Variants in SPTBN4 observed in about 807,000 individuals in gnomAD.
SPTBN4 encodes the protein spectrin beta, non-erythrocytic 4, also known as spectrin beta chain, non-erythrocytic 4.
Under a neutral mutation model 277.8 loss-of-function variants are expected in SPTBN4, and 96 were observed. That is an observed-to-expected ratio of 0.35 (90% confidence interval 0.29 to 0.41). The LOEUF (loss-of-function observed/expected upper bound fraction) is 0.41. SPTBN4 is among the 10% of genes least tolerant of loss of function. SPTBN4 has a pLI of 1.00. For missense variants in SPTBN4, 3,006 were observed against 3,595.7 expected (o/e 0.84, Z 4.19); for synonymous variants, 1,481 against 1,580.3 (o/e 0.94, Z 1.49).
chr19:40,530,117 A>T (rs766572141), intron 18 of SPTBN4, among the ~76,000 whole-genome samples: 8 of 151,928 alleles, frequency 5.3e-5, no homozygotes, highest in South Asian at 2.1e-4. Context: ...GCCCTCCCAT[A>T]TCCCCTGTCC....
intron 7 of SPTBN4, among the ~76,000 whole-genome samples, chr19:40,498,826 C>A (rs144304784): frequency 6.6e-6 from 1 of 151,962 alleles, no homozygotes; most frequent in Admixed American, 6.6e-5. Flanking sequence ...CTCAGCCTCC[C>A]AAGTAGCTGG....
At chr19:40,570,843 C>T in intron 33 of SPTBN4, 115 bp downstream of exon 33, 1 of 1,119,734 alleles carries the variant, frequency 8.9e-7, no homozygotes, top group East Asian at 3.3e-5. Context: ...CAGCAGGTGG[C>T]GGTAGTAGGT....
At chr19:40,504,178 G>A (rs2080297825) in intron 12 of SPTBN4, 46 bp downstream of exon 12, 14 of 1,536,748 alleles carry the variant, frequency 9.1e-6, no homozygotes, top group Non-Finnish European at 1.2e-5. Context: ...CAGGAGGGAG[G>A]GGAGGATGCA....
chr19:40,532,085 T>TG (rs1486788131), intron 18 of SPTBN4, among the ~76,000 whole-genome samples: 1 of 150,076 alleles, frequency 6.7e-6, no homozygotes, highest in Non-Finnish European at 1.5e-5. Flanking sequence ...GGAGGTTGTT[T>TG]GGGGGGTTTA....
intron 1 of SPTBN4, among the ~76,000 whole-genome samples, chr19:40,467,937 A>G (rs2079844852): frequency 1.3e-5 from 2 of 152,268 alleles, no homozygotes; most frequent in South Asian, 4.1e-4. Context: ...AGGCAAATCG[A>G]TTTGCTGAGA....
Position 40,568,040 on chromosome 19 carries a change from T to C in SPTBN4, c.6714T>C (p.Asp2238=). 1 of 1,551,186 alleles carries C rather than the reference T, an allele frequency of 6.4e-7. No individual in the cohort carries two copies. Among genetic ancestry groups the C allele is most frequent in the South Asian group, 1.2e-5 (1 of 84,128 alleles). ...GACCGGAGCGCCAGGAGTCAGCTGA[T>C]CGCGCGGAGGAGCTGCCCAGGAGGC... ...RPRPERQESA[D]RAEELPRRRR... The change falls in exon 31 of 36, where the codon GAT becomes GAC. Residue 2238 remains aspartate, a synonymous_variant. Transcript: ENST00000598249.
intron 2 of SPTBN4, among the ~76,000 whole-genome samples, chr19:40,476,276 C>T (rs1214714059): frequency 1.4e-5 from 2 of 146,258 alleles, no homozygotes; most frequent in African/African-American, 2.5e-5. Context: ...ACCTCAGAGG[C>T]GGAGGTTGCA....
At chr19:40,542,239 TGA>T (rs1302215482) in intron 20 of SPTBN4, among the ~76,000 whole-genome samples, 57 of 152,338 alleles carry the variant, frequency 3.7e-4, no homozygotes, top group Admixed American at 1.1e-3. Flanking sequence ...TCTTTTTATT[TGA>T]CTTCTCTGTC....
At chr19:40,524,344 T>TC (rs2080564353) in intron 17 of SPTBN4, among the ~76,000 whole-genome samples, 1 of 146,538 alleles carries the variant, frequency 6.8e-6, no homozygotes, top group Non-Finnish European at 1.5e-5. Context: ...TTCTCTAAAA[T>TC]TAAAAAAAAA....
chr19:40,540,964 C>G (rs2080794983), intron 20 of SPTBN4, among the ~76,000 whole-genome samples: 1 of 152,148 alleles, frequency 6.6e-6, no homozygotes, highest in Non-Finnish European at 1.5e-5. Context: ...CACTCTCTCC[C>G]CAGCAGTACA....
Position 40,476,627 on chromosome 19 carries a change from G to A in SPTBN4, c.169+3837G>A, listed in dbSNP as rs141348176. Reference sequence around the variant, plus strand: ...TTTTGAGAAGGAGTCTTGCTCTGTCGCCCAGGCTGGAGGGCAGTGACACTA... The same window carrying A: ...TTTTGAGAAGGAGTCTTGCTCTGTCACCCAGGCTGGAGGGCAGTGACACTA... On this transcript the variant is annotated intron_variant, in intron 2 of 35. Transcript: ENST00000598249. Among the ~76,000 whole-genome samples, 891 of 152,088 alleles carry A rather than the reference G, an allele frequency of 5.9e-3. 17 individuals carry two copies. The highest frequency in any genetic ancestry group is 0.02 in the African/African-American group (839 of 41,496).
chr19:40,570,116 T>TAC (rs367582784), intron 32 of SPTBN4, among the ~76,000 whole-genome samples: 72 of 150,252 alleles, frequency 4.8e-4, no homozygotes, highest in South Asian at 1.5e-3. Context: ...CATAGCCTCA[T>TAC]ACACACACAC....
At chr19:40,488,652 T>G (rs746262725) in intron 3 of SPTBN4, among the ~76,000 whole-genome samples, 2 of 152,070 alleles carry the variant, frequency 1.3e-5, no homozygotes, top group Non-Finnish European at 2.9e-5. Flanking sequence ...GTTTGTTTAT[T>G]TGTTTAAATT....
chr19:40,566,852 C>T (rs528295002), intron 30 of SPTBN4, among the ~76,000 whole-genome samples: 2 of 151,922 alleles, frequency 1.3e-5, no homozygotes, highest in Non-Finnish European at 2.9e-5. Flanking sequence ...GTAATCCCAG[C>T]TACTCGGGAG....
chr19:40,541,521 G>A (rs1025679904), intron 20 of SPTBN4, among the ~76,000 whole-genome samples: 3 of 152,218 alleles, frequency 2.0e-5, no homozygotes, highest in African/African-American at 7.2e-5. Flanking sequence ...GGGGTTGGCT[G>A]CCATCCAGCC....
chr19:40,501,499 T>TCC (rs2080262616), intron 7 of SPTBN4, among the ~76,000 whole-genome samples: 1 of 151,982 alleles, frequency 6.6e-6, no homozygotes, highest in African/African-American at 2.4e-5. Context: ...TGAAGCCCTG[T>TCC]CTCTACTGAA....
chr19:40,497,724 C>T, intron 7 of SPTBN4, 120 bp downstream of exon 7: 1 of 782,746 alleles, frequency 1.3e-6, no homozygotes, highest in Non-Finnish European at 2.1e-6. Context: ...CTCTCCAAAT[C>T]CCAACTCTTT....
chr19:40,474,013 G>A (rs1302458950), intron 2 of SPTBN4, among the ~76,000 whole-genome samples: 1 of 151,362 alleles, frequency 6.6e-6, no homozygotes, highest in African/African-American at 2.4e-5. Flanking sequence ...TTAGCCAGGC[G>A]TGGTGGCATG....
chr19:40,531,386 C>G (rs1004280321), intron 18 of SPTBN4, among the ~76,000 whole-genome samples: 6 of 143,958 alleles, frequency 4.2e-5, no homozygotes, highest in African/African-American at 1.5e-4. Flanking sequence ...TGGGGTTTGG[C>G]CGGCTGGGGA....
Sources: allele counts gnomAD v4.1 joint callset (sites outside exome capture counted in the v4.1 genomes callset), GRCh38; gene constraint gnomAD v4.1.1; transcripts MANE v1.5; gene names NCBI Gene and HGNC (gene_info 2026-07-23, HGNC 2026-07-21).